Variants in PRDM5 observed in about 807,000 individuals in gnomAD.
PRDM5 encodes PR/SET domain 5, also known as PR domain zinc finger protein 5.
A neutral mutation model predicts 81.2 loss-of-function variants in PRDM5; 56 were observed. The observed-to-expected ratio is 0.69, with a 90% confidence interval of 0.56 to 0.86. The LOEUF is 0.86. PRDM5 is among the 40% of genes least tolerant of loss of function. The pLI, the probability that PRDM5 is intolerant of heterozygous loss-of-function variation, is 0.00. For missense variants in PRDM5, 697 were observed against 770.1 expected, an observed-to-expected ratio of 0.91 and a Z score of 1.12; for synonymous variants, 267 against 256.4, an observed-to-expected ratio of 1.04 and a Z score of -0.39.
chr4:120,693,449 C>T lies in PRDM5; in HGVS notation c.*1662G>A, dbSNP rs1299323398. 1 of 151,792 alleles carries T rather than the reference C, an allele frequency of 6.6e-6. No homozygotes were observed. The highest frequency in any genetic ancestry group is 1.5e-5 in the Non-Finnish European group (1 of 67,924). The allele number at this position is 151,792 out of a possible 1,614,324, so 9.4% of individuals were successfully genotyped here. A position where few individuals can be genotyped will look rare whatever the true frequency, so the allele number is the denominator to read the frequency against. On this transcript the variant is annotated 3_prime_UTR_variant, in exon 16 of 16. Transcript: ENST00000264808. ...CAAATGATATAGTGAGAAACAAGAC[C>T]AAAATTTATTTTTATAAAATACAGT... is the stretch of plus-strand genomic sequence containing the variant.
At chr4:120,702,994 C>T (rs190329420) in intron 15 of PRDM5, among the ~76,000 whole-genome samples, 29 of 152,276 alleles carry the variant, frequency 1.9e-4, no homozygotes, top group Admixed American at 1.6e-3. Context: ...CTCCACCAGC[C>T]TTCTCTTTCC....
At chr4:120,744,060 G>C (rs544222439) in intron 14 of PRDM5, among the ~76,000 whole-genome samples, 117 of 152,064 alleles carry the variant, frequency 7.7e-4, no homozygotes, top group South Asian at 2.1e-3. Flanking sequence ...TGTAAAAGAA[G>C]AGAAATTATA....
intron 13 of PRDM5, among the ~76,000 whole-genome samples, chr4:120,761,198 T>A (rs1247848042): frequency 1.3e-5 from 2 of 152,120 alleles, no homozygotes; most frequent in African/African-American, 4.8e-5. Flanking sequence ...GTGTGGGGAA[T>A]ATTCAGAAAA....
chr4:120,798,141 T>A, intron 10 of PRDM5, 126 bp downstream of exon 10: 1 of 619,994 alleles, frequency 1.6e-6, no homozygotes, highest in Non-Finnish European at 2.6e-6. Context: ...CCCAGGTGAG[T>A]GATCTTCTCT....
At chr4:120,892,977 T>C (rs911966761) in intron 2 of PRDM5, among the ~76,000 whole-genome samples, 1 of 151,618 alleles carries the variant, frequency 6.6e-6, no homozygotes, top group Non-Finnish European at 1.5e-5. Context: ...GAAGGGGGAG[T>C]AGAGCAATCT....
intron 2 of PRDM5, among the ~76,000 whole-genome samples, chr4:120,866,134 T>A (rs1038298958): frequency 6.6e-6 from 1 of 152,250 alleles, no homozygotes; most frequent in African/African-American, 2.4e-5. Flanking sequence ...CTCCTTTGCA[T>A]GACAAAAGAG....
chr4:120,722,074 G>A (rs985921874), intron 14 of PRDM5, among the ~76,000 whole-genome samples: 3 of 152,178 alleles, frequency 2.0e-5, no homozygotes, highest in African/African-American at 4.8e-5. Flanking sequence ...AGGGAGAGCC[G>A]GCTACGCAGA....
At position 120,877,421 on chromosome 4, in the gene PRDM5, C is replaced by G. The variant is rs546423016; in HGVS notation, c.178-23881G>C. On this transcript the variant is annotated intron_variant, in intron 2 of 15. Coordinates refer to ENST00000264808, the MANE Select transcript of PRDM5 (RefSeq NM_018699.4). ...CTGCTGTGATAACCACATCATGTTCCTGGGATAACTGTGCAATTTAACAAT... is the reference window on the plus strand; with the variant it reads ...CTGCTGTGATAACCACATCATGTTCGTGGGATAACTGTGCAATTTAACAAT... Among the ~76,000 whole-genome samples, 3 of 152,314 alleles carry G rather than the reference C, an allele frequency of 2.0e-5. No homozygotes were observed. The South Asian group carries it at 6.2e-4, about 32-fold the overall frequency.
At position 120,694,280 on chromosome 4, in the gene PRDM5, T is replaced by C. The variant is rs1035868216; in HGVS notation, c.*831A>G. On this transcript the variant is annotated 3_prime_UTR_variant, in exon 16 of 16. Coordinates refer to ENST00000264808, the MANE Select transcript of PRDM5 (RefSeq NM_018699.4). ...ACAGAGAATCTATTTGGTTTCTATT[T>C]TTAATTATATATATTGGTATACTGT... is the stretch of plus-strand genomic sequence containing the variant. 3.3e-5 allele frequency: 5 copies of C among 152,100 alleles called. No individual in the cohort carries two copies. The highest frequency in any genetic ancestry group is 6.6e-5 in the Admixed American group (1 of 15,240). 9.4% of individuals were successfully genotyped at this position (152,100 alleles called of 1,614,324 possible). A position where few individuals can be genotyped will look rare whatever the true frequency, so the allele number is the denominator to read the frequency against.
intron 15 of PRDM5, among the ~76,000 whole-genome samples, chr4:120,708,750 CA>C (rs1216581871): frequency 6.6e-6 from 1 of 151,984 alleles, no homozygotes; most frequent in Non-Finnish European, 1.5e-5. Context: ...CTATGTGTTA[CA>C]AGTAGAAATG....
At position 120,906,316 on chromosome 4, in the gene PRDM5, G is replaced by C. The variant is rs143641001; in HGVS notation, c.177+1158C>G. On this transcript the variant is annotated intron_variant, in intron 2 of 15. Transcript: ENST00000264808. ...AAATGCTTGCCACTGTCTTCCAATT[G>C]CCTCCATTACTCAGTACAGTAACAT... Among the ~76,000 whole-genome samples the C allele has an allele frequency of 3.0e-4, 46 of 152,170 alleles. No individual in the cohort carries two copies. The East Asian group carries it at 5.8e-3, about 19-fold the overall frequency.
intron 13 of PRDM5, among the ~76,000 whole-genome samples, chr4:120,762,055 TG>T (rs1745698610): frequency 6.6e-6 from 1 of 152,150 alleles, no homozygotes; most frequent in African/African-American, 2.4e-5. Flanking sequence ...TTTAATTATC[TG>T]GATTAATATA....
intron 8 of PRDM5, among the ~76,000 whole-genome samples, chr4:120,804,988 A>T (rs1752702647): frequency 6.6e-6 from 1 of 152,194 alleles, no homozygotes; most frequent in Non-Finnish European, 1.5e-5. Flanking sequence ...AGAAGAATCA[A>T]ATAGATGCAA....
At chr4:120,861,039 G>C (rs903684860) in intron 2 of PRDM5, among the ~76,000 whole-genome samples, 2 of 152,122 alleles carry the variant, frequency 1.3e-5, no homozygotes, top group African/African-American at 4.8e-5. Flanking sequence ...ATGGAATCTC[G>C]CTCTGTGGCC....
chr4:120,699,161 AATATATATATATATATAT>A lies in PRDM5; in HGVS notation c.1729-3904_1729-3887del, dbSNP rs70948358. On this transcript the variant is annotated intron_variant, in intron 15 of 15. Coordinates refer to ENST00000264808, the MANE Select transcript of PRDM5 (RefSeq NM_018699.4). Reference sequence around the variant, plus strand: ...TGTATAGGCAATTATAGGAAATATAAATATATATATATATATATATATATATATATATATATATATATA... The same window carrying A: ...TGTATAGGCAATTATAGGAAATATAAATATATATATATATATATATATATA... Among the ~76,000 whole-genome samples the A allele has an allele frequency of 3.7e-3, 269 of 73,486 alleles. 4 individuals carry two copies. The highest frequency in any genetic ancestry group is 0.011 in the African/African-American group (248 of 22,512). 48.2% of individuals were successfully genotyped at this position (73,486 alleles called of 152,430 possible).
intron 5 of PRDM5, 49 bp downstream of exon 5, chr4:120,818,304 T>C: frequency 6.3e-7 from 1 of 1,577,746 alleles, no homozygotes; most frequent in Non-Finnish European, 8.7e-7. Context: ...CTGAATGGAA[T>C]AAACTGTGTT....
chr4:120,828,254 T>C (rs770631779), intron 3 of PRDM5, among the ~76,000 whole-genome samples: 20 of 152,214 alleles, frequency 1.3e-4, no homozygotes, highest in Admixed American at 3.9e-4. Context: ...AGAATTGTTT[T>C]GAGGATTAAA....
chr4:120,801,469 C>T (rs920294153), intron 8 of PRDM5, among the ~76,000 whole-genome samples: 2 of 152,232 alleles, frequency 1.3e-5, no homozygotes, highest in Admixed American at 6.5e-5. Context: ...CCAGCCTCTG[C>T]TTCTGTCAGG....
At chr4:120,702,620 A>T (rs1221795020) in intron 15 of PRDM5, among the ~76,000 whole-genome samples, 1 of 152,192 alleles carries the variant, frequency 6.6e-6, no homozygotes, top group East Asian at 1.9e-4. Flanking sequence ...GATAGATTCA[A>T]TGATTGATTG....
Sources: gnomAD v4.1 joint callset for allele counts (sites outside exome capture counted in the v4.1 genomes callset) on GRCh38, gnomAD v4.1.1 for gene constraint, MANE v1.5 for transcripts, NCBI Gene and HGNC (gene_info 2026-07-23, HGNC 2026-07-21) for gene names.